Variants in ZNF804B observed in about 807,000 individuals in gnomAD.
The protein encoded by ZNF804B is zinc finger 804B.
ZNF804B carries 80 observed loss-of-function variants against 101.4 expected under a neutral mutation model. The observed-to-expected ratio is 0.79, with a 90% CI of 0.66 to 0.95. The LOEUF (loss-of-function observed/expected upper bound fraction) is 0.95, where lower values mean the gene tolerates loss of function less well. Ranked by LOEUF, ZNF804B falls within the 40% of genes least tolerant of loss-of-function variation. The pLI, the probability that ZNF804B is intolerant of heterozygous loss-of-function variation, is 0.00. For missense variants in ZNF804B, 1,673 were observed against 1,561.9 expected, an observed-to-expected ratio of 1.07 and a Z score of -1.20; for synonymous variants, 622 against 558.8, an observed-to-expected ratio of 1.11 and a Z score of -1.59.
chr7:89,013,482 A>G (rs1192413722), intron 1 of ZNF804B, among the ~76,000 whole-genome samples: 1 of 152,194 alleles, frequency 6.6e-6, no homozygotes, highest in Non-Finnish European at 1.5e-5. Flanking sequence ...TTAAGTTGGG[A>G]TATCTGAGAT....
intron 2 of ZNF804B, among the ~76,000 whole-genome samples, chr7:89,277,376 G>A (rs1418205453): frequency 1.4e-5 from 2 of 145,308 alleles, no homozygotes; most frequent in African/African-American, 2.6e-5. Flanking sequence ...TGTGCACAAT[G>A]TGCAGGTTAG....
chr7:88,928,705 G>T (rs1342220683), intron 1 of ZNF804B, among the ~76,000 whole-genome samples: 1 of 152,038 alleles, frequency 6.6e-6, no homozygotes. Context: ...ATGATGCCTG[G>T]CATTATTCTT....
intron 2 of ZNF804B, among the ~76,000 whole-genome samples, chr7:89,324,568 T>C (rs956196704): frequency 6.6e-6 from 1 of 150,470 alleles, no homozygotes; most frequent in Admixed American, 6.6e-5. Flanking sequence ...ATTATCTTGT[T>C]ATTTATTTTA....
intron 1 of ZNF804B, among the ~76,000 whole-genome samples, chr7:89,001,810 T>G (rs1216077991): frequency 1.3e-5 from 2 of 151,912 alleles, no homozygotes; most frequent in African/African-American, 4.8e-5. Flanking sequence ...TGAAGATATA[T>G]GTAATGGAAT....
At chr7:88,871,268 C>G (rs1000177009) in intron 1 of ZNF804B, among the ~76,000 whole-genome samples, 4 of 152,054 alleles carry the variant, frequency 2.6e-5, no homozygotes, top group African/African-American at 9.7e-5. Context: ...ATAAGCTACT[C>G]TATCTATTAG....
intron 1 of ZNF804B, among the ~76,000 whole-genome samples, chr7:88,893,366 A>G (rs1253821735): frequency 6.6e-6 from 1 of 152,076 alleles, no homozygotes; most frequent in Non-Finnish European, 1.5e-5. Flanking sequence ...CAGATTTAAA[A>G]TTTTATTATT....
chr7:88,946,519 G>T (rs536676879), intron 1 of ZNF804B, among the ~76,000 whole-genome samples: 1 of 149,190 alleles, frequency 6.7e-6, no homozygotes, highest in African/African-American at 2.5e-5. Context: ...GGTTTATTGC[G>T]TCGATGTTCA....
intron 2 of ZNF804B, among the ~76,000 whole-genome samples, chr7:89,227,129 T>C (rs1433301701): frequency 1.3e-5 from 2 of 152,228 alleles, no homozygotes; most frequent in South Asian, 2.1e-4. Flanking sequence ...CCCATGGCTA[T>C]GTTTTCTTTA....
chr7:88,953,484 G>A lies in ZNF804B; in HGVS notation c.108+193400G>A, dbSNP rs1793255381. On this transcript the variant is annotated intron_variant, in intron 1 of 3. Coordinates refer to ENST00000333190, the MANE Select transcript of ZNF804B (RefSeq NM_181646.5). ...TGAGGTTTTTATTTATGTATTTATT[G>A]TCTGTCTTGATTTTCTGTCACGTTC... Among the ~76,000 whole-genome samples the A allele has an allele frequency of 2.0e-5, 3 of 151,602 alleles. No individual in the cohort carries two copies. In the South Asian group the frequency reaches 6.2e-4, roughly 31 times the overall value.
intron 1 of ZNF804B, among the ~76,000 whole-genome samples, chr7:88,845,372 TA>T (rs1791358836): frequency 6.6e-6 from 1 of 151,766 alleles, no homozygotes; most frequent in Non-Finnish European, 1.5e-5. Flanking sequence ...ACCTGGATCT[TA>T]GTACATGGTG....
chr7:88,944,682 T>C (rs1793101828), intron 1 of ZNF804B, among the ~76,000 whole-genome samples: 1 of 151,682 alleles, frequency 6.6e-6, no homozygotes, highest in African/African-American at 2.4e-5. Flanking sequence ...GTAACCAGAG[T>C]CATTTAAAAT....
In ZNF804B at chr7:89,338,483, G is replaced by A. The variant is rs2188411; in HGVS notation, c.*1451G>A. Among the ~76,000 whole-genome samples, 6,530 of 152,074 alleles carry A rather than the reference G, an allele frequency of 0.043. 794 individuals are homozygous for A. In the East Asian group the frequency reaches 0.47, roughly 11 times the overall value. ...ATACTAAATACTTGGTAAACAGTAG[G>A]AAAGGACATCGTTGATTCAGGAGAG... On this transcript the variant is annotated 3_prime_UTR_variant, in exon 4 of 4. Coordinates refer to ENST00000333190, the MANE Select transcript of ZNF804B (RefSeq NM_181646.5).
chr7:89,047,991 G>C (rs1272263180), intron 1 of ZNF804B, among the ~76,000 whole-genome samples: 1 of 151,826 alleles, frequency 6.6e-6, no homozygotes, highest in African/African-American at 2.4e-5. Flanking sequence ...TTGGGAACAG[G>C]TGGTGTTTTC....
intron 1 of ZNF804B, among the ~76,000 whole-genome samples, chr7:89,166,638 T>C (rs1791148264): frequency 6.6e-6 from 1 of 152,178 alleles, no homozygotes; most frequent in Non-Finnish European, 1.5e-5. Context: ...TGAGAGTACT[T>C]TGAGCATCAC....
At chr7:89,175,715 T>C (rs374291745) in intron 1 of ZNF804B, among the ~76,000 whole-genome samples, 19 of 152,238 alleles carry the variant, frequency 1.2e-4, no homozygotes, top group African/African-American at 4.3e-4. Flanking sequence ...AAAATATCTT[T>C]TCACTTTCTG....
chr7:89,153,964 C>T (rs138844558), intron 1 of ZNF804B, among the ~76,000 whole-genome samples: 1 of 152,162 alleles, frequency 6.6e-6, no homozygotes, highest in African/African-American at 2.4e-5. Flanking sequence ...TGCTTATATG[C>T]TGTAGCCTTC....
At chr7:89,117,596 A>G (rs1210257210) in intron 1 of ZNF804B, among the ~76,000 whole-genome samples, 1 of 152,210 alleles carries the variant, frequency 6.6e-6, no homozygotes, top group Admixed American at 6.5e-5. Flanking sequence ...AATTTGCTCA[A>G]TGGGGAGAAA....
chr7:88,784,677 C>T (rs1461543101), intron 1 of ZNF804B, among the ~76,000 whole-genome samples: 2 of 152,148 alleles, frequency 1.3e-5, no homozygotes, highest in South Asian at 2.1e-4. Flanking sequence ...ACCAGACTCT[C>T]GCTCCTCAAC....
At chr7:89,284,050 A>G (rs1362633893) in intron 2 of ZNF804B, among the ~76,000 whole-genome samples, 1 of 152,242 alleles carries the variant, frequency 6.6e-6, no homozygotes, top group Admixed American at 6.5e-5. Context: ...AAATTTATCA[A>G]AATGTACACA....
Sources: allele counts gnomAD v4.1 joint callset (sites outside exome capture counted in the v4.1 genomes callset), GRCh38; gene constraint gnomAD v4.1.1; transcripts MANE v1.5; gene names NCBI Gene and HGNC (gene_info 2026-07-23, HGNC 2026-07-21).